Variants in EGFLAM observed in about 807,000 individuals in gnomAD.
EGFLAM encodes EGF like, fibronectin type III and laminin G domains, also known as pikachurin.
In EGFLAM, 79 loss-of-function variants were observed where a neutral mutation model predicts 113.1. The observed-to-expected ratio is 0.70, with a 90% CI of 0.58 to 0.84. The LOEUF (loss-of-function observed/expected upper bound fraction) is 0.84. EGFLAM is among the 40% of genes least tolerant of loss of function. EGFLAM has a pLI of 0.00. For missense variants in EGFLAM, 1,265 were observed against 1,291.6 expected, an observed-to-expected ratio of 0.98 and a Z score of 0.32; for synonymous variants, 504 against 487.6, an observed-to-expected ratio of 1.03 and a Z score of -0.44.
chr5:38,380,280 A>G (rs1740475487), intron 6 of EGFLAM, among the ~76,000 whole-genome samples: 1 of 152,146 alleles, frequency 6.6e-6, no homozygotes, highest in South Asian at 2.1e-4. Flanking sequence ...TTAGATAGCA[A>G]TTTTGTCAAG....
intron 12 of EGFLAM, among the ~76,000 whole-genome samples, chr5:38,419,089 G>A (rs1741748297): frequency 1.3e-5 from 2 of 152,094 alleles, no homozygotes; most frequent in Admixed American, 1.3e-4. Flanking sequence ...GTGTGCTCGT[G>A]GGATCTTTCC....
chr5:38,264,793 G>A (rs1279568863), intron 1 of EGFLAM, among the ~76,000 whole-genome samples: 1 of 152,110 alleles, frequency 6.6e-6, no homozygotes, highest in African/African-American at 2.4e-5. Context: ...GCTCACAAAA[G>A]CCGTGGGGCA....
rs146124717 is a variant in EGFLAM at position 38,327,765 on chromosome 5, A to G, written c.98-9755A>G. ...CAAATCTAAACAATGAATTAGTGAT[A>G]GTACTAACTAGTGATAGTACAGTGC... On this transcript the variant is annotated intron_variant, in intron 1 of 21. Coordinates refer to ENST00000322350, the MANE Select transcript of EGFLAM (RefSeq NM_152403.4). Among the ~76,000 whole-genome samples, 313 of 152,350 alleles carry G rather than the reference A, an allele frequency of 2.1e-3. 2 individuals are homozygous for G. Among genetic ancestry groups the G allele is most frequent in the African/African-American group, 7.3e-3 (305 of 41,580 alleles).
At chr5:38,410,979 G>T (rs1382754241) in intron 10 of EGFLAM, among the ~76,000 whole-genome samples, 2 of 152,174 alleles carry the variant, frequency 1.3e-5, no homozygotes, top group Non-Finnish European at 2.9e-5. Context: ...TTTGGCAATT[G>T]CTGAAAACAA....
At chr5:38,348,486 G>A (rs1739532775) in intron 3 of EGFLAM, among the ~76,000 whole-genome samples, 1 of 152,172 alleles carries the variant, frequency 6.6e-6, no homozygotes, top group African/African-American at 2.4e-5. Context: ...CCAAGAGATT[G>A]AAGAAGCAAG....
chr5:38,326,733 C>A (rs937594035), intron 1 of EGFLAM, among the ~76,000 whole-genome samples: 1 of 151,588 alleles, frequency 6.6e-6, no homozygotes, highest in African/African-American at 2.4e-5. Context: ...ACCTCCTGAT[C>A]TGCCCAACTT....
At chr5:38,290,604 C>G (rs1412921448) in intron 1 of EGFLAM, 1 of 152,192 alleles carries the variant, frequency 6.6e-6, no homozygotes, top group Non-Finnish European at 1.5e-5. Flanking sequence ...ACTGACCTCT[C>G]TCCAAACCAT....
intron 1 of EGFLAM, among the ~76,000 whole-genome samples, chr5:38,330,657 G>A (rs570901866): frequency 6.6e-6 from 1 of 152,312 alleles, no homozygotes; most frequent in Non-Finnish European, 1.5e-5. Flanking sequence ...TCCCCTGTTA[G>A]TGACCCAAGG....
intron 1 of EGFLAM, among the ~76,000 whole-genome samples, chr5:38,335,315 T>C (rs1241098516): frequency 6.6e-6 from 1 of 152,250 alleles, no homozygotes; most frequent in Non-Finnish European, 1.5e-5. Flanking sequence ...TTACCAGCGA[T>C]ATTTTGATAA....
rs769164364 is a variant in EGFLAM, at chr5:38,462,999, G to A, written c.2863G>A (p.Ala955Thr). Residue 955 changes from alanine to threonine, a missense_variant, in exon 21 of 22, where the codon GCT (alanine) becomes ACT (threonine). Coordinates refer to ENST00000322350, the MANE Select transcript of EGFLAM (RefSeq NM_152403.4). The stretch of plus-strand genomic sequence containing the variant: ...GATGCGGCAGCTTAACATCAATGGA[G>A]CTCTGTATGTGGGTAAGTGACCGAC... ...GMMRQLNING[A>T]LYVGGMKEIA... 240 of 1,613,868 alleles carry A rather than the reference G, an allele frequency of 1.5e-4. No homozygotes were observed. The highest frequency in any genetic ancestry group is 1.9e-4 in the Non-Finnish European group (223 of 1,179,906).
At chr5:38,418,994 G>T (rs1459068275) in intron 12 of EGFLAM, among the ~76,000 whole-genome samples, 1 of 152,164 alleles carries the variant, frequency 6.6e-6, no homozygotes, top group Non-Finnish European at 1.5e-5. Context: ...AGTTCTGGAG[G>T]CTGGAAGTCC....
chr5:38,407,673 A>G (rs1332890544), intron 8 of EGFLAM, 132 bp from the exon 9 acceptor site: 7 of 622,352 alleles, frequency 1.1e-5, no homozygotes, highest in Non-Finnish European at 1.4e-5. Flanking sequence ...AGTATAGAAA[A>G]GAAGATAGCG....
At chr5:38,378,325 C>T (rs531972191) in intron 6 of EGFLAM, among the ~76,000 whole-genome samples, 2 of 152,194 alleles carry the variant, frequency 1.3e-5, no homozygotes, top group Middle Eastern at 3.4e-3. Flanking sequence ...AGATTTGGGC[C>T]GCTGTGTTTT....
At chr5:38,403,452 A>G (rs1741180524) in intron 6 of EGFLAM, 2 of 159,838 alleles carry the variant, frequency 1.3e-5, no homozygotes, top group Admixed American at 1.2e-4. Context: ...TCTGAATCCC[A>G]GAATCACTGC....
intron 5 of EGFLAM, among the ~76,000 whole-genome samples, chr5:38,365,925 A>G (rs16903954): frequency 0.075 from 11,477 of 152,126 alleles, 464 homozygotes; most frequent in South Asian, 0.12. Flanking sequence ...AATATAGTCA[A>G]CGAGGCCCAG....
intron 12 of EGFLAM, 106 bp from the exon 13 acceptor site, chr5:38,424,861 C>T (rs1237469304): frequency 6.9e-7 from 1 of 1,452,218 alleles, no homozygotes; most frequent in Non-Finnish European, 9.2e-7. Flanking sequence ...GGAGTAAGAA[C>T]TGAAATGTAT....
intron 17 of EGFLAM, 44 bp from the exon 18 acceptor site, chr5:38,448,257 G>A (rs1742786868): frequency 3.1e-6 from 5 of 1,608,594 alleles, no homozygotes; most frequent in Non-Finnish European, 3.4e-6. Flanking sequence ...CAGGGGTCAA[G>A]AGAACCACAT....
Position 38,407,017 on chromosome 5 carries a change from T to A in EGFLAM, c.1018T>A (p.Ser340Thr). ...GGGGAAGAATGGTGTGGCCATAATG[T>A]CAAGGCTCTTTGACATGCCTTGTGA... ...RKGKNGVAIM[S>T]RLFDMPCDET... The change falls in exon 8 of 22, where the codon TCA (serine) becomes ACA (threonine). Residue 340 changes from serine to threonine, a missense_variant. By Grantham distance (58) the Ser-to-Thr change is moderately conservative. Coordinates refer to ENST00000322350, the MANE Select transcript of EGFLAM (RefSeq NM_152403.4). 1 of 1,614,206 alleles carries A rather than the reference T, an allele frequency of 6.2e-7. No homozygotes were observed. Among genetic ancestry groups the A allele is most frequent in the Non-Finnish European group, 8.5e-7 (1 of 1,180,042 alleles).
At chr5:38,317,335 G>C (rs1287161864) in intron 1 of EGFLAM, among the ~76,000 whole-genome samples, 3 of 152,150 alleles carry the variant, frequency 2.0e-5, no homozygotes, top group Non-Finnish European at 4.4e-5. Flanking sequence ...GAGTAGGGCA[G>C]GGAAAGGGTG....
Sources: gnomAD v4.1 joint callset for allele counts (sites outside exome capture counted in the v4.1 genomes callset) on GRCh38, gnomAD v4.1.1 for gene constraint, MANE v1.5 for transcripts, NCBI Gene and HGNC (gene_info 2026-07-23, HGNC 2026-07-21) for gene names.